The following ZNF722 variants were observed in gnomAD, a reference collection of about 807,000 sequenced individuals.
ZNF722 encodes the protein zinc finger protein 479 pseudogene.
chr7:64,002,031 G>A, the ZNF722 span, among the ~76,000 whole-genome samples: 1 of 151,944 alleles, frequency 6.6e-6, no homozygotes, highest in African/African-American at 2.4e-5. Flanking sequence ...TTATGGGCAT[G>A]TGCTGCACGC....
chr7:64,006,221 C>T, the ZNF722 span: 2 of 1,241,228 alleles, frequency 1.6e-6, no homozygotes, highest in Non-Finnish European at 2.2e-6. Flanking sequence ...CTTAATAAAA[C>T]AGGTATTGCT....
chr7:64,016,027 C>T, the ZNF722 span: 3 of 772,830 alleles, frequency 3.9e-6, no homozygotes, highest in Non-Finnish European at 5.9e-6. Context: ...AAGTTCCAAA[C>T]CTTAATAGAA....
chr7:64,016,789 G>C, the ZNF722 span, among the ~76,000 whole-genome samples: 4,370 of 152,232 alleles, frequency 0.029, 80 homozygotes, highest in South Asian at 0.057. Flanking sequence ...AAATGTGACA[G>C]AGCATTTAAC....
chr7:64,000,582 C>G, the ZNF722 span, among the ~76,000 whole-genome samples: 1 of 150,348 alleles, frequency 6.7e-6, no homozygotes, highest in Non-Finnish European at 1.5e-5. Context: ...TCCCAAGTAG[C>G]TGGGATTACA....
the ZNF722 span, chr7:64,015,740 C>T: frequency 2.5e-6 from 4 of 1,613,708 alleles, no homozygotes; most frequent in Non-Finnish European, 3.4e-6. Flanking sequence ...AGAAACCCTA[C>T]ACATGTGAAG....
the ZNF722 span, chr7:64,015,289 A>C: frequency 8.0e-7 from 1 of 1,250,960 alleles, no homozygotes; most frequent in Non-Finnish European, 1.2e-6. Flanking sequence ...TGCAATAGAC[A>C]TGAAACAAGA....
chr7:64,003,394 A>C, the ZNF722 span, among the ~76,000 whole-genome samples: 1 of 152,140 alleles, frequency 6.6e-6, no homozygotes, highest in Non-Finnish European at 1.5e-5. Flanking sequence ...GCAGGTGAAT[A>C]GGTTGTGCTT....
At chr7:64,001,898 T>A in the ZNF722 span, among the ~76,000 whole-genome samples, 2 of 152,126 alleles carry the variant, frequency 1.3e-5, no homozygotes, top group Middle Eastern at 3.4e-3. Flanking sequence ...ATATATATAT[T>A]TTTAAGATGG....
the ZNF722 span, chr7:64,006,271 A>T: frequency 1.5e-6 from 2 of 1,313,866 alleles, no homozygotes; most frequent in Non-Finnish European, 2.1e-6. Context: ...GGAGCAAAAT[A>T]AAGAGGCTTG....
the ZNF722 span, among the ~76,000 whole-genome samples, chr7:64,001,950 C>A: frequency 2.0e-5 from 3 of 152,190 alleles, no homozygotes; most frequent in Middle Eastern, 3.4e-3. Context: ...ATGGCAAAAT[C>A]TCGGCTCACT....
the ZNF722 span, among the ~76,000 whole-genome samples, chr7:64,018,055 A>C: frequency 6.6e-6 from 1 of 151,378 alleles, no homozygotes; most frequent in Admixed American, 6.6e-5. Context: ...TTTTTCATTA[A>C]ATAAAGTTGT....
chr7:64,010,277 T>C, the ZNF722 span, among the ~76,000 whole-genome samples: 1 of 152,202 alleles, frequency 6.6e-6, no homozygotes, highest in Non-Finnish European at 1.5e-5. Flanking sequence ...TTTCTTGCCT[T>C]CTGCTAGCTT....
chr7:64,010,205 A>G, the ZNF722 span, among the ~76,000 whole-genome samples: 18 of 152,046 alleles, frequency 1.2e-4, no homozygotes, highest in African/African-American at 4.1e-4. Flanking sequence ...TCCTGGATTC[A>G]TTGATTTTTT....
chr7:64,007,121 G>A, the ZNF722 span, among the ~76,000 whole-genome samples: 1 of 151,004 alleles, frequency 6.6e-6, no homozygotes, highest in East Asian at 1.9e-4. Flanking sequence ...CATTCTAACT[G>A]ATGTAAGGTA....
chr7:64,005,513 ACT>A, the ZNF722 span: 3 of 627,002 alleles, frequency 4.8e-6, no homozygotes, highest in Non-Finnish European at 5.7e-6. Context: ...ACTTCATTTT[ACT>A]CTCTTTTTTA....
chr7:64,007,942 G>A, the ZNF722 span, among the ~76,000 whole-genome samples: 2 of 152,274 alleles, frequency 1.3e-5, no homozygotes, highest in African/African-American at 4.8e-5. Context: ...ATTCTAACTG[G>A]TGTGAGATGG....
the ZNF722 span, among the ~76,000 whole-genome samples, chr7:64,010,520 C>T: frequency 2.0e-5 from 3 of 152,130 alleles, no homozygotes; most frequent in Non-Finnish European, 4.4e-5. Flanking sequence ...CATTCAGGAG[C>T]AGGTTGTTCA....
the ZNF722 span, among the ~76,000 whole-genome samples, chr7:64,004,426 A>AAAAAAAATATATATATATATG: frequency 1.0e-4 from 5 of 47,662 alleles, no homozygotes; most frequent in Admixed American, 2.6e-4. Flanking sequence ...AAAAAAAAAA[A>AAAAAAAATATATATATATATG]TATATATATA....
the ZNF722 span, chr7:64,005,554 T>C: frequency 1.3e-5 from 10 of 755,972 alleles, no homozygotes; most frequent in Non-Finnish European, 2.1e-5. Context: ...TCTCTGCCTA[T>C]GGCCACATGG....
Sources: allele counts gnomAD v4.1 joint callset (sites outside exome capture counted in the v4.1 genomes callset), GRCh38; gene constraint gnomAD v4.1.1; transcripts MANE v1.5; gene names NCBI Gene and HGNC (gene_info 2026-07-23, HGNC 2026-07-21).